COBL: variants seen among roughly 807,000 people sequenced by gnomAD.
COBL encodes the protein cordon-bleu WH2 repeat protein.
In COBL, 51 loss-of-function variants were observed where a neutral mutation model predicts 98.8. The ratio of observed to expected loss-of-function variants is 0.52; its 90% CI spans 0.41 to 0.65. The LOEUF (loss-of-function observed/expected upper bound fraction) is 0.65, where lower values mean the gene tolerates loss of function less well. Ranked by LOEUF, COBL falls within the 30% of genes least tolerant of loss-of-function variation. The pLI is 0.00. For synonymous variants in COBL, 634 were observed against 651.7 expected, an observed-to-expected ratio of 0.97 and a Z score of 0.41; for missense variants, 1,617 against 1,617.5, an observed-to-expected ratio of 1.00 and a Z score of 0.01.
intron 6 of COBL, among the ~76,000 whole-genome samples, chr7:51,094,236 A>G (rs1583769941): frequency 6.6e-6 from 1 of 151,920 alleles, no homozygotes; most frequent in Non-Finnish European, 1.5e-5. Context: ...TAGAGGAGAG[A>G]GAGGAAAAGA....
chr7:51,179,779 A>G (rs113725077), intron 5 of COBL, among the ~76,000 whole-genome samples: 1 of 152,284 alleles, frequency 6.6e-6, no homozygotes, highest in African/African-American at 2.4e-5. Flanking sequence ...AAAAGAAAAA[A>G]TCCAGTAATC....
intron 6 of COBL, among the ~76,000 whole-genome samples, chr7:51,112,050 C>A (rs530854034): frequency 9.2e-5 from 14 of 152,164 alleles, no homozygotes; most frequent in African/African-American, 3.1e-4. Context: ...AAGAACAAGT[C>A]CAGGCAATTT....
At chr7:51,116,059 C>T (rs56169471) in intron 6 of COBL, among the ~76,000 whole-genome samples, 6,858 of 152,018 alleles carry the variant, frequency 0.045, 240 homozygotes, top group Middle Eastern at 0.13. Flanking sequence ...AAATGGTATC[C>T]TTTTCTACCC....
chr7:51,262,994 C>T (rs1023087239), intron 1 of COBL, among the ~76,000 whole-genome samples: 10 of 152,146 alleles, frequency 6.6e-5, no homozygotes, highest in Non-Finnish European at 1.3e-4. Context: ...GAGGCACGGA[C>T]GAGCCTCGTC....
intron 7 of COBL, among the ~76,000 whole-genome samples, chr7:51,080,809 G>A (rs1204256021): frequency 6.6e-5 from 10 of 152,146 alleles, no homozygotes; most frequent in Admixed American, 3.3e-4. Flanking sequence ...CCACAGGGAC[G>A]CACATTCACA....
At chr7:51,233,593 C>A (rs964195565) in intron 1 of COBL, among the ~76,000 whole-genome samples, 1 of 152,166 alleles carries the variant, frequency 6.6e-6, no homozygotes, top group Non-Finnish European at 1.5e-5. Context: ...CCGTCCATTT[C>A]TATGTACTTT....
intron 1 of COBL, among the ~76,000 whole-genome samples, chr7:51,294,324 AT>A (rs1324607912): frequency 5.4e-5 from 8 of 148,744 alleles, no homozygotes; most frequent in South Asian, 2.1e-4. Context: ...AAATAAATAA[AT>A]AAATAAAAAT....
At chr7:51,199,534 C>T (rs1046636032) in intron 2 of COBL, among the ~76,000 whole-genome samples, 12 of 152,250 alleles carry the variant, frequency 7.9e-5, no homozygotes, top group African/African-American at 2.6e-4. Flanking sequence ...CTTAAAGAAG[C>T]TCAATGAGCT....
intron 5 of COBL, among the ~76,000 whole-genome samples, chr7:51,148,294 C>T (rs1344111955): frequency 2.6e-5 from 4 of 152,178 alleles, no homozygotes; most frequent in Admixed American, 2.6e-4. Flanking sequence ...CCCTCATCTT[C>T]CCTCGCTTTG....
chr7:51,296,689 T>C (rs773762137), intron 1 of COBL, among the ~76,000 whole-genome samples: 2 of 152,194 alleles, frequency 1.3e-5, no homozygotes, highest in Non-Finnish European at 2.9e-5. Flanking sequence ...GTATGGGCAT[T>C]TTGATGTTGC....
intron 1 of COBL, among the ~76,000 whole-genome samples, chr7:51,269,502 G>A (rs570439332): frequency 1.3e-5 from 2 of 152,230 alleles, no homozygotes; most frequent in Non-Finnish European, 1.5e-5. Flanking sequence ...GGTCTGGGTG[G>A]TGCATCGGCA....
chr7:51,212,874 G>A (rs374031538), intron 2 of COBL, among the ~76,000 whole-genome samples: 1 of 152,212 alleles, frequency 6.6e-6, no homozygotes. Context: ...TCTCAAGTGA[G>A]GCCATTGTTG....
intron 6 of COBL, among the ~76,000 whole-genome samples, chr7:51,134,166 T>C (rs1799010402): frequency 6.6e-6 from 1 of 152,202 alleles, no homozygotes; most frequent in African/African-American, 2.4e-5. Context: ...CGACAATACA[T>C]TTTTGGGTTC....
At chr7:51,208,370 C>G (rs1227685345) in intron 2 of COBL, among the ~76,000 whole-genome samples, 1 of 151,584 alleles carries the variant, frequency 6.6e-6, no homozygotes. Context: ...GCCAGCCGCC[C>G]CGTCTGGGAG....
intron 5 of COBL, among the ~76,000 whole-genome samples, chr7:51,183,591 G>T (rs1176444258): frequency 2.0e-5 from 3 of 152,160 alleles, no homozygotes; most frequent in Non-Finnish European, 2.9e-5. Flanking sequence ...TTATCACATA[G>T]TACATTCCCA....
intron 8 of COBL, chr7:51,034,592 T>C (rs1009528594): frequency 6.6e-6 from 1 of 152,248 alleles, no homozygotes; most frequent in African/African-American, 2.4e-5. Flanking sequence ...GGGTTACTAA[T>C]GGATTATAAA....
At chr7:51,091,309 T>G (rs770582383) in intron 6 of COBL, among the ~76,000 whole-genome samples, 7 of 152,090 alleles carry the variant, frequency 4.6e-5, no homozygotes, top group Non-Finnish European at 8.8e-5. Context: ...TATGCATGAA[T>G]AGAATCATAT....
chr7:51,132,052 A>G (rs1653970822), intron 6 of COBL, among the ~76,000 whole-genome samples: 1 of 152,246 alleles, frequency 6.6e-6, no homozygotes, highest in South Asian at 2.1e-4. Context: ...ATTGTTTAAC[A>G]GAATGAACCT....
chr7:51,173,208 G>A (rs1788053250), intron 5 of COBL, among the ~76,000 whole-genome samples: 1 of 152,046 alleles, frequency 6.6e-6, no homozygotes, highest in Admixed American at 6.6e-5. Flanking sequence ...TTTGAGCAGA[G>A]TCTCACTCTG....
Sources: gnomAD v4.1 joint callset for allele counts (sites outside exome capture counted in the v4.1 genomes callset) on GRCh38, gnomAD v4.1.1 for gene constraint, MANE v1.5 for transcripts, NCBI Gene and HGNC (gene_info 2026-07-23, HGNC 2026-07-21) for gene names.